The following ACTMAP variants were observed in gnomAD, a reference collection of about 807,000 sequenced individuals.
ACTMAP encodes the protein actin maturation protease.
chr19:40,745,172 A>C, the ACTMAP span: 11 of 1,551,842 alleles, frequency 7.1e-6, no homozygotes, highest in Non-Finnish European at 8.7e-6. Flanking sequence ...TGCACAGAAG[A>C]GGATCCACCG....
chr19:40,741,116 C>G, the ACTMAP span: 1 of 398,706 alleles, frequency 2.5e-6, no homozygotes, highest in African/African-American at 2.1e-5. Context: ...ATGGTGGACA[C>G]GCATCCTCTT....
At chr19:40,742,000 TC>T in the ACTMAP span, 1 of 448,878 alleles carries the variant, frequency 2.2e-6, no homozygotes, top group Non-Finnish European at 4.5e-6. Context: ...GACTCAATGA[TC>T]CGGGGATTTG....
chr19:40,747,506 C>T, the ACTMAP span, among the ~76,000 whole-genome samples: 1 of 151,822 alleles, frequency 6.6e-6, no homozygotes, highest in Non-Finnish European at 1.5e-5. Context: ...CCACTGCACT[C>T]CAGTCTGGGC....
chr19:40,742,415 C>T, the ACTMAP span: 1 of 1,452,426 alleles, frequency 6.9e-7, no homozygotes, highest in Non-Finnish European at 9.1e-7. Context: ...AGGCTGCAGC[C>T]TGAGACCGCA....
chr19:40,745,317 T>C, the ACTMAP span: 1 of 1,001,054 alleles, frequency 1.0e-6, no homozygotes, highest in Non-Finnish European at 1.5e-6. Context: ...CTGGCTGTCC[T>C]AAGGCTGAAG....
chr19:40,749,542 C>A, the ACTMAP span: 1 of 1,551,274 alleles, frequency 6.4e-7, no homozygotes, highest in South Asian at 1.2e-5. Context: ...ACCGGGCCGG[C>A]CTTATCAAAG....
At chr19:40,744,156 G>C in the ACTMAP span, 1 of 1,605,966 alleles carries the variant, frequency 6.2e-7, no homozygotes, top group Non-Finnish European at 8.5e-7. Context: ...GCTTGGCCTG[G>C]CAGCCCAGCA....
chr19:40,741,763 G>A, the ACTMAP span: 11 of 456,514 alleles, frequency 2.4e-5, no homozygotes, highest in Admixed American at 4.7e-5. Flanking sequence ...CTTGCCATCT[G>A]TCAAATCGGG....
chr19:40,741,065 G>A, the ACTMAP span: 1 of 398,706 alleles, frequency 2.5e-6, no homozygotes, highest in African/African-American at 2.1e-5. Flanking sequence ...CCAAGCCCTG[G>A]CTGGGATGGG....
the ACTMAP span, chr19:40,749,652 G>A: frequency 2.6e-6 from 4 of 1,547,576 alleles, no homozygotes; most frequent in Admixed American, 8.1e-5. Context: ...TGGGGGAACA[G>A]GGGTCTGCTG....
chr19:40,747,833 T>C, the ACTMAP span, among the ~76,000 whole-genome samples: 2 of 152,062 alleles, frequency 1.3e-5, no homozygotes, highest in Non-Finnish European at 2.9e-5. Flanking sequence ...GCTACTGCAT[T>C]CCATCCTGGG....
chr19:40,744,906 G>T, the ACTMAP span: 1 of 800,460 alleles, frequency 1.2e-6, no homozygotes. Flanking sequence ...GAACCAAGGT[G>T]GAGTTAGAGA....
chr19:40,748,441 C>T, the ACTMAP span, among the ~76,000 whole-genome samples: 2 of 152,276 alleles, frequency 1.3e-5, no homozygotes, highest in East Asian at 3.9e-4. Flanking sequence ...GCTTCTCCCT[C>T]TTTTCTTCAG....
chr19:40,741,803 C>T, the ACTMAP span: 2 of 456,568 alleles, frequency 4.4e-6, no homozygotes, highest in South Asian at 3.1e-5. Flanking sequence ...ACAGGGTTGC[C>T]AGATCTGCTA....
the ACTMAP span, among the ~76,000 whole-genome samples, chr19:40,747,870 A>T: frequency 6.6e-6 from 1 of 151,198 alleles, no homozygotes; most frequent in Non-Finnish European, 1.5e-5. Context: ...TGTCCCAAAA[A>T]CAAACAAACA....
chr19:40,748,799 ACACAGCATTTG>A, the ACTMAP span, among the ~76,000 whole-genome samples: 4 of 152,026 alleles, frequency 2.6e-5, no homozygotes, highest in Non-Finnish European at 5.9e-5. Flanking sequence ...TACTCTCATC[ACACAGCATTTG>A]CACGACTTGC....
the ACTMAP span, among the ~76,000 whole-genome samples, chr19:40,745,843 T>C: frequency 6.6e-6 from 1 of 152,082 alleles, no homozygotes; most frequent in Non-Finnish European, 1.5e-5. Context: ...CAGCTAATTT[T>C]GTATTTTTAG....
the ACTMAP span, chr19:40,744,336 G>C: frequency 4.3e-6 from 6 of 1,382,082 alleles, no homozygotes; most frequent in East Asian, 2.5e-5. Flanking sequence ...CACAAAGAGC[G>C]TGAGTGGCTT....
chr19:40,744,357 C>T, the ACTMAP span, among the ~76,000 whole-genome samples: 1 of 152,180 alleles, frequency 6.6e-6, no homozygotes, highest in African/African-American at 2.4e-5. Flanking sequence ...GTCCATGGCC[C>T]CAGCGAAGAG....
Sources: allele counts gnomAD v4.1 joint callset (sites outside exome capture counted in the v4.1 genomes callset), GRCh38; gene constraint gnomAD v4.1.1; transcripts MANE v1.5; gene names NCBI Gene and HGNC (gene_info 2026-07-23, HGNC 2026-07-21).